The following IARS1 variants were observed in gnomAD, a reference collection of about 807,000 sequenced individuals.
IARS1 encodes the protein isoleucyl-tRNA synthetase 1.
In IARS1, 124 loss-of-function variants were observed where a neutral mutation model predicts 168.2. That is an observed-to-expected ratio of 0.74 (90% confidence interval 0.64 to 0.86). The LOEUF (loss-of-function observed/expected upper bound fraction) is 0.86, where lower values mean the gene tolerates loss of function less well. Among genes scored for constraint, IARS1 ranks in the 40% least tolerant of loss-of-function variants. IARS1 has a pLI of 0.00. For missense variants in IARS1, 1,452 were observed against 1,515.8 expected (o/e 0.96, Z 0.70); for synonymous variants, 532 against 529.4 (o/e 1.00, Z -0.07).
At chr9:92,242,060 C>G in intron 29 of IARS1, 94 bp downstream of exon 29, 1 of 933,518 alleles carries the variant, frequency 1.1e-6, no homozygotes. Context: ...CTGTGCCGAT[C>G]TCTACTGTGG....
chr9:92,244,056 T>C (rs1247524268), intron 27 of IARS1, among the ~76,000 whole-genome samples: 1 of 152,018 alleles, frequency 6.6e-6, no homozygotes, highest in Non-Finnish European at 1.5e-5. Flanking sequence ...GGTAGTGAAA[T>C]GCATGATAAA....
chr9:92,280,325 C>A (rs1834354907), intron 7 of IARS1, among the ~76,000 whole-genome samples: 3 of 152,096 alleles, frequency 2.0e-5, no homozygotes, highest in Admixed American at 2.0e-4. Flanking sequence ...CACAAAGTAC[C>A]AATCTTCTTT....
intron 20 of IARS1, among the ~76,000 whole-genome samples, chr9:92,254,531 T>G (rs1830454996): frequency 6.6e-6 from 1 of 152,236 alleles, no homozygotes; most frequent in African/African-American, 2.4e-5. Context: ...GTCAGTGGGC[T>G]GAGCCCCAGG....
chr9:92,268,403 C>T, intron 13 of IARS1, 103 bp from the exon 14 acceptor site: 1 of 1,174,926 alleles, frequency 8.5e-7, no homozygotes, highest in African/African-American at 1.6e-5. Context: ...GTGGACCAAA[C>T]ACTCTGGAAA....
intron 30 of IARS1, among the ~76,000 whole-genome samples, chr9:92,235,134 A>AT (rs1827292247): frequency 6.6e-6 from 1 of 152,008 alleles, no homozygotes; most frequent in African/African-American, 2.4e-5. Context: ...AGCCTGGCTT[A>AT]TTTTTTCAGG....
intron 29 of IARS1, among the ~76,000 whole-genome samples, chr9:92,241,675 C>A (rs1000438252): frequency 6.6e-6 from 1 of 152,178 alleles, no homozygotes; most frequent in Non-Finnish European, 1.5e-5. Flanking sequence ...AAGCCAATAT[C>A]TTCCCTACCT....
intron 24 of IARS1, 62 bp downstream of exon 24, chr9:92,250,125 G>T: frequency 8.8e-7 from 1 of 1,134,954 alleles, no homozygotes; most frequent in Non-Finnish European, 1.3e-6. Flanking sequence ...TATTAAAAAA[G>T]CATTCCAAAC....
intron 33 of IARS1, among the ~76,000 whole-genome samples, chr9:92,220,791 C>A (rs1443442613): frequency 2.0e-5 from 3 of 151,962 alleles, no homozygotes; most frequent in Non-Finnish European, 4.4e-5. Flanking sequence ...TATAGCAAGA[C>A]CCTGTCCCTA....
rs371598504 is a variant in IARS1 at position 92,243,238 on chromosome 9, C to T, written c.2978G>A (p.Arg993His). ...AACCTTTTTGCGAAGTTTCTGTATG[C>T]GATTGATGACTTCCCGAGCCATTCC... is the stretch of plus-strand genomic sequence containing the variant. The part of the protein sequence containing the change: ...DEGMAREVIN[R>H]IQKLRKKCNL... The change falls in exon 28 of 34, where the codon CGC becomes CAC. Residue 993 changes from arginine to histidine, a missense_variant. Arg to His is a conservative substitution (Grantham distance 29). Coordinates refer to ENST00000443024, the MANE Select transcript of IARS1 (RefSeq NM_002161.6). 2.9e-5 allele frequency: 46 copies of T among 1,613,056 alleles called. No individual in the cohort carries two copies. The highest frequency in any genetic ancestry group is 3.5e-5 in the Non-Finnish European group (41 of 1,179,332).
At chr9:92,271,118 A>T in intron 11 of IARS1, 42 bp from the exon 12 acceptor site, 1 of 1,216,128 alleles carries the variant, frequency 8.2e-7, no homozygotes, top group Non-Finnish European at 1.2e-6. Context: ...AACATACTAT[A>T]ATACTTAGGA....
chr9:92,240,751 T>C (rs540398402), intron 30 of IARS1, 105 bp downstream of exon 30: 4 of 732,744 alleles, frequency 5.5e-6, no homozygotes, highest in Non-Finnish European at 1.0e-5. Context: ...GATTAAATAA[T>C]TATTCCAATT....
At chr9:92,240,178 T>C (rs1828161476) in intron 30 of IARS1, 1 of 156,846 alleles carries the variant, frequency 6.4e-6, no homozygotes, top group Admixed American at 6.1e-5. Context: ...TTTAGATGTA[T>C]TTAGCAGGAG....
Position 92,263,014 on chromosome 9 carries a change from T to C in IARS1, c.1742A>G (p.Gln581Arg). 1 of 1,614,176 alleles carries C rather than the reference T, an allele frequency of 6.2e-7. No homozygotes were observed. The highest frequency in any genetic ancestry group is 8.5e-7 in the Non-Finnish European group (1 of 1,180,012). The change falls in exon 17 of 34, where the codon CAA becomes CGA. Residue 581 changes from glutamine (Q) to arginine (R), a missense_variant. Transcript: ENST00000443024. ...CACAATTACGTTCTTGAAAGGCGGT[T>C]GTCCAAAGAGGGCCGTGGCCAGCAC... ...LLVLATALFG[Q>R]PPFKNVIVNG...
At chr9:92,284,701 G>A (rs763000885) in intron 6 of IARS1, among the ~76,000 whole-genome samples, 11 of 151,704 alleles carry the variant, frequency 7.3e-5, no homozygotes, top group East Asian at 1.9e-4. Flanking sequence ...TCGGGTAGGT[G>A]GAGGTTGCAG....
In IARS1 at chr9:92,240,465, T is replaced by C. The variant is rs1358707351; in HGVS notation, c.3283+391A>G. ...TTTTAGTAGAGACAGGGTTTCACCA[T>C]GTTTATCAGGTCTTGAACTCCTGAC... On this transcript the variant is annotated intron_variant, in intron 30 of 33. Transcript: ENST00000443024. 7.4e-6 allele frequency: 4 copies of C among 538,820 alleles called. No individual in the cohort carries two copies. In the East Asian group the frequency reaches 9.1e-5, roughly 12 times the overall value. 33.4% of individuals were successfully genotyped at this position (538,820 alleles called of 1,614,324 possible).
rs755986342 is a variant in IARS1 at position 92,280,841 on chromosome 9, G to A, written c.650C>T (p.Thr217Ile). 9.9e-6 allele frequency: 16 copies of A among 1,610,122 alleles called. No individual in the cohort carries two copies. The change falls in exon 7 of 34, where the codon ACT becomes ATT. Residue 217 changes from threonine to isoleucine, a missense_variant. Coordinates refer to ENST00000443024, the MANE Select transcript of IARS1 (RefSeq NM_002161.6). ...GGTTGTCCAAGCAACTAAAGATACAGTTTCATCTTCTTCCAAAGGGAAAGT... is the reference window on the plus strand; with the variant it reads ...GGTTGTCCAAGCAACTAAAGATACAATTTCATCTTCTTCCAAAGGGAAAGT... The part of the protein sequence containing the change: ...FVTFPLEEDE[T>I]VSLVAWTTTP...
intron 32 of IARS1, 34 bp from the exon 33 acceptor site, chr9:92,222,706 G>A (rs189328707): frequency 1.6e-5 from 25 of 1,610,802 alleles, no homozygotes; most frequent in East Asian, 2.2e-5. Flanking sequence ...ATTAAATCTC[G>A]AGAGTTCACC....
intron 9 of IARS1, among the ~76,000 whole-genome samples, chr9:92,276,855 T>C (rs1833850229): frequency 6.6e-6 from 1 of 152,192 alleles, no homozygotes; most frequent in Admixed American, 6.5e-5. Flanking sequence ...TTTGCAACTG[T>C]AGCTGTGGAT....
chr9:92,226,510 T>A (rs373212432), intron 31 of IARS1, among the ~76,000 whole-genome samples: 2 of 152,236 alleles, frequency 1.3e-5, no homozygotes, highest in African/African-American at 4.8e-5. Context: ...AAAATGAGTA[T>A]TAGTTTTCTG....
Sources: allele counts gnomAD v4.1 joint callset (sites outside exome capture counted in the v4.1 genomes callset), GRCh38; gene constraint gnomAD v4.1.1; transcripts MANE v1.5; gene names NCBI Gene and HGNC (gene_info 2026-07-23, HGNC 2026-07-21).